STAM2: variants seen among roughly 807,000 people sequenced by gnomAD.
The protein encoded by STAM2 is signal transducing adaptor molecule 2.
Under a neutral mutation model 65.6 loss-of-function variants are expected in STAM2, and 51 were observed. That is an observed-to-expected ratio of 0.78 (90% confidence interval 0.62 to 0.98). The LOEUF (loss-of-function observed/expected upper bound fraction) is 0.98. Ranked by LOEUF, STAM2 falls within the 50% of genes least tolerant of loss-of-function variation. The pLI, the probability that STAM2 is intolerant of heterozygous loss-of-function variation, is 0.00. For missense variants in STAM2, 584 were observed against 617.8 expected (o/e 0.95, Z 0.58); for synonymous variants, 198 against 208.4 (o/e 0.95, Z 0.43).
Position 152,175,704 on chromosome 2 carries a change from C to A in STAM2, c.-62G>T, listed in dbSNP as rs933707224. On this transcript the variant is annotated 5_prime_UTR_variant, in exon 1 of 14. Transcript: ENST00000263904. Reference sequence around the variant, plus strand: ...CTGACACTCAGCAACTGCTACCCGCCGGGTGACCCGCGGCCGCGGCTCCCT... The same window carrying A: ...CTGACACTCAGCAACTGCTACCCGCAGGGTGACCCGCGGCCGCGGCTCCCT... The A allele has an allele frequency of 8.3e-6, 13 of 1,560,336 alleles. No homozygotes were observed. Among genetic ancestry groups the A allele is most frequent in the Non-Finnish European group, 1.1e-5 (13 of 1,150,568 alleles).
chr2:152,123,784 G>A lies in STAM2; in HGVS notation c.1331C>T (p.Ala444Val). ...AACTTACCTTAAATATGAAGTTTGA[G>A]CAGGCTGTGCTGTCACTGAGGAATT... is the stretch of plus-strand genomic sequence containing the variant. ...NVNSSVTAQP[A>V]QTSYLSTGQD... The change falls in exon 13 of 14, where the codon GCT becomes GTT. Residue 444 changes from alanine to valine, a missense_variant. Ala to Val is a moderately conservative substitution (Grantham distance 64, BLOSUM62 0). Coordinates refer to ENST00000263904, the MANE Select transcript of STAM2 (RefSeq NM_005843.6). The A allele has an allele frequency of 6.2e-7, 1 of 1,614,012 alleles. No individual in the cohort carries two copies. Among genetic ancestry groups the A allele is most frequent in the Non-Finnish European group, 8.5e-7 (1 of 1,180,008 alleles).
intron 1 of STAM2, among the ~76,000 whole-genome samples, chr2:152,171,260 T>G (rs546232308): frequency 6.6e-6 from 1 of 152,278 alleles, no homozygotes; most frequent in African/African-American, 2.4e-5. Context: ...TATCAAAATA[T>G]TAGCACTTGA....
rs1688815271 is a variant in STAM2, at chr2:152,119,775, T to C, written c.*799A>G. On this transcript the variant is annotated 3_prime_UTR_variant, in exon 14 of 14. Coordinates refer to ENST00000263904, the MANE Select transcript of STAM2 (RefSeq NM_005843.6). ...GTTTTTCCTCAGGGAATGGAAATGT[T>C]TTGTGGGACATTCCTTCACAGTTGG... 1.3e-5 allele frequency: 2 copies of C among 152,212 alleles called. No homozygotes were observed. The highest frequency in any genetic ancestry group is 4.1e-4 in the South Asian group (2 of 4,832). The allele number at this position is 152,212 out of a possible 1,614,324, so 9.4% of individuals were successfully genotyped here.
chr2:152,153,686 G>A (rs1689487314), intron 1 of STAM2, among the ~76,000 whole-genome samples: 1 of 152,196 alleles, frequency 6.6e-6, no homozygotes, highest in Non-Finnish European at 1.5e-5. Flanking sequence ...TTCTTCCCTT[G>A]TGCCAAAAAG....
At position 152,150,347 on chromosome 2, in the gene STAM2, C is replaced by T. The variant is rs1214614308; in HGVS notation, c.41-118G>A. 6.9e-6 allele frequency: 4 copies of T among 579,064 alleles called. No homozygotes were observed. The South Asian group carries it at 1.1e-4, about 15-fold the overall frequency. 35.9% of individuals were successfully genotyped at this position (579,064 alleles called of 1,614,324 possible). A position where few individuals can be genotyped will look rare whatever the true frequency, so the allele number is the denominator to read the frequency against. On this transcript the variant is annotated intron_variant, in intron 1 of 13. Transcript: ENST00000263904. ...TTTCTATTGCCGAAGATACTACAGA[C>T]GACCTTCAGAAGACAAAAGTACTTC...
At chr2:152,134,569 T>C (rs1227529688) in intron 8 of STAM2, among the ~76,000 whole-genome samples, 2 of 152,208 alleles carry the variant, frequency 1.3e-5, no homozygotes, top group Non-Finnish European at 2.9e-5. Context: ...TTCTTTCTCC[T>C]GAACTGGCAA....
At chr2:152,164,117 G>A (rs922200190) in intron 1 of STAM2, among the ~76,000 whole-genome samples, 1 of 152,014 alleles carries the variant, frequency 6.6e-6, no homozygotes, top group East Asian at 1.9e-4. Context: ...GGGGCATTAC[G>A]GACCTACGGC....
At chr2:152,148,998 G>T (rs2105549947) in intron 2 of STAM2, among the ~76,000 whole-genome samples, 1 of 152,190 alleles carries the variant, frequency 6.6e-6, no homozygotes, top group South Asian at 2.1e-4. Context: ...ACTATGAAAA[G>T]CTTTAATGTT....
At position 152,123,748 on chromosome 2, in the gene STAM2, A is replaced by G. The variant is rs1560208903; in HGVS notation, c.1349+18T>C. 1.9e-6 allele frequency: 3 copies of G among 1,612,552 alleles called. No individual in the cohort carries two copies. Among genetic ancestry groups the G allele is most frequent in the Non-Finnish European group, 2.5e-6 (3 of 1,179,094 alleles). On this transcript the variant is annotated intron_variant, in intron 13 of 13. Coordinates refer to ENST00000263904, the MANE Select transcript of STAM2 (RefSeq NM_005843.6). ...GAAAATTAACACATATAAAATTAAC[A>G]CAGCTCCCAAAACTTACCTTAAATA...
intron 11 of STAM2, among the ~76,000 whole-genome samples, chr2:152,126,720 C>T (rs185292782): frequency 6.6e-6 from 1 of 150,780 alleles, no homozygotes; most frequent in Admixed American, 6.6e-5. Context: ...AAACCCCCCA[C>T]GTTTTCTGTG....
At chr2:152,124,031 T>C (rs890489039) in intron 12 of STAM2, 96 bp from the exon 13 acceptor site, 1 of 1,058,940 alleles carries the variant, frequency 9.4e-7, no homozygotes, top group African/African-American at 1.6e-5. Flanking sequence ...AAAGAAACTA[T>C]ACTTCTTTGG....
intron 1 of STAM2, among the ~76,000 whole-genome samples, chr2:152,160,306 TC>T (rs1205996516): frequency 7.7e-6 from 1 of 129,966 alleles, no homozygotes; most frequent in Non-Finnish European, 1.6e-5. Flanking sequence ...CCGGCCGCCA[TC>T]CCATCTAGGA....
At chr2:152,159,923 G>A (rs1441198275) in intron 1 of STAM2, among the ~76,000 whole-genome samples, 1 of 152,232 alleles carries the variant, frequency 6.6e-6, no homozygotes, top group Non-Finnish European at 1.5e-5. Context: ...TGGAGACGGG[G>A]TTTCGCTGTG....
At chr2:152,148,611 C>G (rs1689379682) in intron 2 of STAM2, among the ~76,000 whole-genome samples, 1 of 152,152 alleles carries the variant, frequency 6.6e-6, no homozygotes. Context: ...CTGCTGTGAG[C>G]TGTGTCATGC....
chr2:152,143,107 TTAAA>T (rs760773668), intron 7 of STAM2, among the ~76,000 whole-genome samples: 7 of 152,238 alleles, frequency 4.6e-5, no homozygotes, highest in Admixed American at 1.3e-4. Flanking sequence ...TCATTTGTTA[TTAAA>T]TAGTTGATTA....
At chr2:152,122,151 CT>C (rs1382912387) in intron 13 of STAM2, among the ~76,000 whole-genome samples, 1 of 150,852 alleles carries the variant, frequency 6.6e-6, no homozygotes, top group East Asian at 1.9e-4. Context: ...TAGGGCTGAG[CT>C]TGGAGGCTTA....
intron 4 of STAM2, among the ~76,000 whole-genome samples, chr2:152,147,700 T>C (rs6747861): frequency 0.089 from 13,474 of 152,238 alleles, 835 homozygotes; most frequent in Non-Finnish European, 0.13. Flanking sequence ...AAAATAAGAA[T>C]GATAAGGGAA....
chr2:152,122,414 C>T (rs1338757062), intron 13 of STAM2, among the ~76,000 whole-genome samples: 1 of 151,838 alleles, frequency 6.6e-6, no homozygotes, highest in East Asian at 1.9e-4. Flanking sequence ...GATAAAACCC[C>T]ATCTATAAAA....
At chr2:152,136,892 C>CTTT (rs746931542) in intron 7 of STAM2, among the ~76,000 whole-genome samples, 13 of 130,100 alleles carry the variant, frequency 1.0e-4, no homozygotes, top group South Asian at 2.5e-4. Flanking sequence ...AAACATTTTT[C>CTTT]TTTTTTTTTT....
Sources: gnomAD v4.1 joint callset for allele counts (sites outside exome capture counted in the v4.1 genomes callset) on GRCh38, gnomAD v4.1.1 for gene constraint, MANE v1.5 for transcripts, NCBI Gene and HGNC (gene_info 2026-07-23, HGNC 2026-07-21) for gene names.